The following CSMD3 variants were observed in gnomAD, a reference collection of about 807,000 sequenced individuals.
CSMD3 encodes the protein CUB and sushi domain-containing protein 3.
CSMD3 carries 177 observed loss-of-function variants against 435.2 expected under a neutral mutation model. That is an observed-to-expected ratio of 0.41 (90% CI 0.36 to 0.46). The LOEUF (loss-of-function observed/expected upper bound fraction) is 0.46, where lower values mean the gene tolerates loss of function less well. CSMD3 is among the 20% of genes least tolerant of loss of function. The pLI is 0.34. For synonymous variants in CSMD3, 1,656 were observed against 1,520.5 expected (o/e 1.09, Z -2.07); for missense variants, 4,265 against 4,504.6 (o/e 0.95, Z 1.52).
chr8:113,429,266 T>C (rs1202358402), intron 1 of CSMD3, among the ~76,000 whole-genome samples: 3 of 151,708 alleles, frequency 2.0e-5, no homozygotes, highest in South Asian at 4.1e-4. Context: ...TGAAAAAATA[T>C]GCAGATGAAA....
chr8:112,704,798 G>A (rs2076464066), intron 13 of CSMD3, among the ~76,000 whole-genome samples: 1 of 152,018 alleles, frequency 6.6e-6, no homozygotes, highest in Admixed American at 6.6e-5. Context: ...TTTATTAGTA[G>A]TAATATATTT....
At chr8:112,906,081 A>G (rs549575287) in intron 10 of CSMD3, among the ~76,000 whole-genome samples, 1 of 151,372 alleles carries the variant, frequency 6.6e-6, no homozygotes, top group South Asian at 2.1e-4. Flanking sequence ...ATGCAATCCA[A>G]CCATGCTGGC....
At position 113,418,773 on chromosome 8, in the gene CSMD3, G is replaced by A. The variant is rs560987865; in HGVS notation, c.178+17904C>T. 2.6e-5 allele frequency among the ~76,000 whole-genome samples: 4 copies of A among 152,324 alleles called. No individual in the cohort carries two copies. In the South Asian group the frequency reaches 6.2e-4, roughly 24 times the overall value. ...CATCAGCCCCCAGAAATTATTAGCA[G>A]ATTTAGACTTGTTTCAAGAACAATA... On this transcript the variant is annotated intron_variant, in intron 1 of 70. Transcript: ENST00000297405.
Position 112,794,281 on chromosome 8 carries a change from TA to T in CSMD3, c.1972+5880del, listed in dbSNP as rs1476939880. 1.9e-3 allele frequency among the ~76,000 whole-genome samples: 270 copies of T among 141,132 alleles called. 40 individuals are homozygous for T. The highest frequency in any genetic ancestry group is 5.1e-3 in the African/African-American group (191 of 37,768). The allele number at this position is 141,132 out of a possible 152,430, so 92.6% of individuals were successfully genotyped here. Reference sequence around the variant, plus strand: ...TCAATTGCCCCAGATGCTGGACTGATAAACTTTTTTTTTTTTTTTTTTTTTT... The same window carrying T: ...TCAATTGCCCCAGATGCTGGACTGATAACTTTTTTTTTTTTTTTTTTTTTT... On this transcript the variant is annotated intron_variant, in intron 13 of 70. Transcript: ENST00000297405.
intron 2 of CSMD3, among the ~76,000 whole-genome samples, chr8:113,281,476 C>G (rs2093612389): frequency 6.6e-6 from 1 of 151,672 alleles, no homozygotes; most frequent in South Asian, 2.1e-4. Flanking sequence ...TCTCTAAGAA[C>G]ACCTACCTCT....
chr8:113,385,610 T>C (rs923103413), intron 1 of CSMD3, among the ~76,000 whole-genome samples: 1 of 152,064 alleles, frequency 6.6e-6, no homozygotes, highest in African/African-American at 2.4e-5. Context: ...GGAACAAAAG[T>C]GTCAAATATA....
chr8:112,596,146 G>T (rs1294048937), intron 22 of CSMD3, among the ~76,000 whole-genome samples: 42 of 151,438 alleles, frequency 2.8e-4, no homozygotes, highest in African/African-American at 1.0e-3. Flanking sequence ...ACACACATAG[G>T]CTCAAAATAA....
chr8:112,238,616 T>C (rs969221511), intron 66 of CSMD3, among the ~76,000 whole-genome samples: 1 of 151,808 alleles, frequency 6.6e-6, no homozygotes, highest in Admixed American at 6.6e-5. Context: ...CTGCTGAATG[T>C]TTTCTCATAT....
At chr8:113,179,418 G>C (rs929480234) in intron 3 of CSMD3, among the ~76,000 whole-genome samples, 1 of 151,532 alleles carries the variant, frequency 6.6e-6, no homozygotes, top group African/African-American at 2.4e-5. Flanking sequence ...GATCATTCTT[G>C]GTCTTAAAAA....
At chr8:112,472,054 C>A (rs942862833) in intron 32 of CSMD3, among the ~76,000 whole-genome samples, 21 of 152,180 alleles carry the variant, frequency 1.4e-4, no homozygotes, top group African/African-American at 5.1e-4. Context: ...CAATGCAGAA[C>A]AGATTGTCAG....
At chr8:112,928,593 C>T (rs1290889323) in intron 9 of CSMD3, among the ~76,000 whole-genome samples, 2 of 150,942 alleles carry the variant, frequency 1.3e-5, no homozygotes, top group African/African-American at 4.9e-5. Context: ...CAATTTCATC[C>T]ATGTCCCTAC....
chr8:112,241,252 TA>T (rs1402962437), intron 66 of CSMD3, among the ~76,000 whole-genome samples: 3 of 152,074 alleles, frequency 2.0e-5, no homozygotes, highest in Non-Finnish European at 4.4e-5. Context: ...TGTAGGGCTT[TA>T]AAGTTTATGT....
At chr8:112,472,021 A>C (rs1344868954) in intron 32 of CSMD3, among the ~76,000 whole-genome samples, 5 of 152,162 alleles carry the variant, frequency 3.3e-5, no homozygotes, top group African/African-American at 1.2e-4. Flanking sequence ...AAGGCAGCAA[A>C]GGACACATTG....
At chr8:112,268,856 C>G (rs552620533) in intron 59 of CSMD3, among the ~76,000 whole-genome samples, 1 of 152,282 alleles carries the variant, frequency 6.6e-6, no homozygotes, top group African/African-American at 2.4e-5. Flanking sequence ...TCTCCACATT[C>G]AAAAAGTTGG....
intron 10 of CSMD3, among the ~76,000 whole-genome samples, chr8:112,884,236 T>C (rs1378789496): frequency 2.0e-5 from 3 of 151,916 alleles, no homozygotes; most frequent in East Asian, 1.9e-4. Flanking sequence ...CAAAATACAA[T>C]TGCAGTATGT....
At chr8:113,076,332 T>A (rs1419965906) in intron 5 of CSMD3, among the ~76,000 whole-genome samples, 4 of 151,924 alleles carry the variant, frequency 2.6e-5, no homozygotes, top group Non-Finnish European at 5.9e-5. Context: ...AAGGGCAAAT[T>A]TGTGAACTGA....
rs373608234 is a variant in CSMD3, at chr8:112,287,211, G to T, written c.9184C>A (p.Pro3062Thr). Residue 3062 changes from proline to threonine, a missense_variant, in exon 58 of 71, where the codon CCC (proline) becomes ACC (threonine). Physicochemically the swap from Pro to Thr is conservative, Grantham distance 38. Transcript: ENST00000297405. ...ATGTCGDPGT[P>T]GHGSRQESNF... The stretch of plus-strand genomic sequence containing the variant: ...CTTTCCTGTCTAGAGCCATGGCCGG[G>T]AGTACCTGGATCGCCACATGTCCCA... 1.3e-5 allele frequency: 21 copies of T among 1,613,512 alleles called. No homozygotes were observed. Among genetic ancestry groups the T allele is most frequent in the Non-Finnish European group, 1.8e-5 (21 of 1,179,770 alleles).
At position 113,227,215 on chromosome 8, in the gene CSMD3, G is replaced by A. The variant is rs1041840007; in HGVS notation, c.514+51377C>T. ...GAAATAACAGAAGCCTTGTAGAGGA[G>A]AAGCTGGAAAACTTTTATAGTAATT... On this transcript the variant is annotated intron_variant, in intron 3 of 70. Coordinates refer to ENST00000297405, the MANE Select transcript of CSMD3 (RefSeq NM_198123.2). Among the ~76,000 whole-genome samples the A allele has an allele frequency of 2.0e-5, 3 of 151,548 alleles. No homozygotes were observed. The Admixed American group carries it at 2.0e-4, about 10-fold the overall frequency.
At chr8:113,363,664 C>G (rs2094292621) in intron 1 of CSMD3, among the ~76,000 whole-genome samples, 1 of 152,118 alleles carries the variant, frequency 6.6e-6, no homozygotes, top group Non-Finnish European at 1.5e-5. Context: ...GTCTAATTTT[C>G]CTCCACCTCT....
Sources: gnomAD v4.1 joint callset for allele counts (sites outside exome capture counted in the v4.1 genomes callset) on GRCh38, gnomAD v4.1.1 for gene constraint, MANE v1.5 for transcripts, NCBI Gene and HGNC (gene_info 2026-07-23, HGNC 2026-07-21) for gene names.